Variants in LOC128462377 observed in about 807,000 individuals in gnomAD.
the LOC128462377 span, among the ~76,000 whole-genome samples, chr16:89,402,446 G>A: frequency 1.3e-5 from 2 of 152,098 alleles, no homozygotes; most frequent in East Asian, 1.9e-4. Flanking sequence ...TGAGGAAGCC[G>A]AGGCGGGAAG....
the LOC128462377 span, among the ~76,000 whole-genome samples, chr16:89,317,886 A>C: frequency 6.6e-6 from 1 of 152,098 alleles, no homozygotes; most frequent in African/African-American, 2.4e-5. Flanking sequence ...CATGCAACCC[A>C]ATCACCTTCT....
At chr16:89,321,076 G>C in the LOC128462377 span, 1 of 152,620 alleles carries the variant, frequency 6.6e-6, no homozygotes, top group African/African-American at 2.4e-5. Flanking sequence ...CAGAGCCTTC[G>C]CCTGAACCAT....
At chr16:89,387,994 C>T in the LOC128462377 span, among the ~76,000 whole-genome samples, 6 of 144,242 alleles carry the variant, frequency 4.2e-5, no homozygotes, top group African/African-American at 1.5e-4. Flanking sequence ...GCCTGGGCAA[C>T]AGAGCAAGAC....
chr16:89,397,417 T>C, the LOC128462377 span, among the ~76,000 whole-genome samples: 1 of 152,248 alleles, frequency 6.6e-6, no homozygotes, highest in Non-Finnish European at 1.5e-5. Context: ...TCAGTGATTC[T>C]GGACTCCCAG....
chr16:89,362,981 A>G, the LOC128462377 span, among the ~76,000 whole-genome samples: 2 of 152,022 alleles, frequency 1.3e-5, no homozygotes, highest in South Asian at 4.1e-4. Context: ...ACACAGCGTC[A>G]GGTTATAAAT....
At chr16:89,417,876 C>T in the LOC128462377 span, among the ~76,000 whole-genome samples, 1 of 152,096 alleles carries the variant, frequency 6.6e-6, no homozygotes, top group Non-Finnish European at 1.5e-5. Context: ...GAACAGCTCC[C>T]AGGATACAGA....
At chr16:89,342,738 CATTAAA>C in the LOC128462377 span, among the ~76,000 whole-genome samples, 2 of 152,168 alleles carry the variant, frequency 1.3e-5, no homozygotes, top group Non-Finnish European at 2.9e-5. Context: ...CTATAGTCCT[CATTAAA>C]ATTAAATACT....
the LOC128462377 span, among the ~76,000 whole-genome samples, chr16:89,363,231 T>C: frequency 2.6e-5 from 4 of 152,208 alleles, no homozygotes; most frequent in East Asian, 3.8e-4. Flanking sequence ...TAAGTTTTCA[T>C]TTAAAATTTT....
the LOC128462377 span, among the ~76,000 whole-genome samples, chr16:89,334,559 G>C: frequency 6.6e-6 from 1 of 152,120 alleles, no homozygotes; most frequent in Admixed American, 6.5e-5. Context: ...TGGGCATGCG[G>C]CATGCTATGG....
At chr16:89,407,183 C>T in the LOC128462377 span, among the ~76,000 whole-genome samples, 4 of 150,584 alleles carry the variant, frequency 2.7e-5, no homozygotes, top group African/African-American at 9.8e-5. Context: ...GAAACCCCGT[C>T]TCAAAAAGAT....
At chr16:89,333,377 C>T in the LOC128462377 span, among the ~76,000 whole-genome samples, 2 of 152,216 alleles carry the variant, frequency 1.3e-5, no homozygotes. Flanking sequence ...AGCATCATCA[C>T]CCACAGGCCG....
the LOC128462377 span, among the ~76,000 whole-genome samples, chr16:89,356,721 C>T: frequency 7.2e-6 from 1 of 138,964 alleles, no homozygotes; most frequent in Non-Finnish European, 1.5e-5. Context: ...GCCGAGCTTG[C>T]AGTGAGCCAA....
At chr16:89,347,850 G>T in the LOC128462377 span, among the ~76,000 whole-genome samples, 1 of 152,102 alleles carries the variant, frequency 6.6e-6, no homozygotes. Context: ...GTCAGTGGGT[G>T]TTTCTCAGAA....
the LOC128462377 span, among the ~76,000 whole-genome samples, chr16:89,337,620 A>G: frequency 4.6e-5 from 7 of 150,946 alleles, no homozygotes; most frequent in African/African-American, 1.2e-4. Flanking sequence ...TGTATTTTTT[A>G]TAGTAGAGAT....
the LOC128462377 span, among the ~76,000 whole-genome samples, chr16:89,330,045 TTTTG>T: frequency 4.6e-5 from 7 of 151,194 alleles, no homozygotes; most frequent in African/African-American, 9.7e-5. Context: ...AAACATAAAA[TTTTG>T]TTTATGTATT....
At chr16:89,325,494 C>G in the LOC128462377 span, among the ~76,000 whole-genome samples, 1 of 147,944 alleles carries the variant, frequency 6.8e-6, no homozygotes, top group African/African-American at 2.5e-5. Flanking sequence ...CACACACACA[C>G]AGAGTAATAA....
At chr16:89,390,684 G>A in the LOC128462377 span, among the ~76,000 whole-genome samples, 7 of 152,070 alleles carry the variant, frequency 4.6e-5, no homozygotes, top group African/African-American at 1.7e-4. Flanking sequence ...CAGGTTCTCG[G>A]GGAAACAGTG....
the LOC128462377 span, among the ~76,000 whole-genome samples, chr16:89,375,030 G>A: frequency 1.3e-5 from 2 of 151,858 alleles, no homozygotes; most frequent in East Asian, 3.9e-4. Flanking sequence ...AAAATTAAAC[G>A]CTTATAAATA....
At chr16:89,333,354 C>A in the LOC128462377 span, among the ~76,000 whole-genome samples, 1 of 115,418 alleles carries the variant, frequency 8.7e-6, no homozygotes, top group Non-Finnish European at 2.2e-5. Context: ...ACAGCTGAGA[C>A]CCCCCTGGAC....
Sources: gnomAD v4.1 joint callset for allele counts (sites outside exome capture counted in the v4.1 genomes callset) on GRCh38, gnomAD v4.1.1 for gene constraint, MANE v1.5 for transcripts.